The following MBTD1 variants were observed in gnomAD, a reference collection of about 807,000 sequenced individuals.
MBTD1 encodes mbt domain containing 1, also known as MBT domain-containing protein 1.
A neutral mutation model predicts 87.8 loss-of-function variants in MBTD1; 24 were observed. The observed-to-expected ratio is 0.27, with a 90% CI of 0.20 to 0.38. MBTD1 has a LOEUF of 0.38. Ranked by LOEUF, MBTD1 falls within the 10% of genes least tolerant of loss-of-function variation. The pLI is 1.00. For synonymous variants in MBTD1, 237 were observed against 248.6 expected (o/e 0.95, Z 0.44); for missense variants, 436 against 760.2 (o/e 0.57, Z 5.02).
chr17:51,192,703 T>C (rs769878530), intron 15 of MBTD1, 79 bp downstream of exon 15: 4 of 1,577,792 alleles, frequency 2.5e-6, no homozygotes, highest in Admixed American at 3.5e-5. Context: ...TGTGAGCTCA[T>C]AAGATGACTT....
intron 2 of MBTD1, among the ~76,000 whole-genome samples, chr17:51,227,724 G>A (rs1331958091): frequency 6.6e-6 from 1 of 152,068 alleles, no homozygotes; most frequent in Non-Finnish European, 1.5e-5. Context: ...CTGAGGCGGG[G>A]AGATCACCTG....
At position 51,207,006 on chromosome 17, in the gene MBTD1, C is replaced by G; in HGVS notation, c.487-1G>C. 6.5e-7 allele frequency: 1 copy of G among 1,546,720 alleles called. No homozygotes were observed. The highest frequency in any genetic ancestry group is 8.9e-7 in the Non-Finnish European group (1 of 1,119,962). Reference sequence around the variant, plus strand: ...CACCCCAGCAGGTCCCCATAGGTGCCTGTCACATAAAAATCATTAAATTAT... The same window carrying G: ...CACCCCAGCAGGTCCCCATAGGTGCGTGTCACATAAAAATCATTAAATTAT... On this transcript the variant is annotated splice_acceptor_variant, in intron 6 of 16. Coordinates refer to ENST00000586178, the MANE Select transcript of MBTD1 (RefSeq NM_017643.3). LOFTEE classifies it high-confidence loss of function.
chr17:51,239,590 T>G (rs1184558334), intron 2 of MBTD1, among the ~76,000 whole-genome samples: 2 of 152,194 alleles, frequency 1.3e-5, no homozygotes, highest in African/African-American at 4.8e-5. Flanking sequence ...CAGGGTTTTT[T>G]CACCTTGGCA....
chr17:51,236,647 C>G (rs190596624), intron 2 of MBTD1, among the ~76,000 whole-genome samples: 2 of 152,138 alleles, frequency 1.3e-5, no homozygotes, highest in African/African-American at 4.8e-5. Context: ...GCACAAGGCC[C>G]GAGGCAGGGA....
chr17:51,208,919 C>T (rs540975154), intron 6 of MBTD1, among the ~76,000 whole-genome samples: 32 of 152,246 alleles, frequency 2.1e-4, no homozygotes, highest in Non-Finnish European at 4.4e-4. Flanking sequence ...GTTTTGGTCC[C>T]TACAGTCTGG....
intron 2 of MBTD1, among the ~76,000 whole-genome samples, chr17:51,248,538 C>T (rs551580249): frequency 1.6e-4 from 24 of 152,320 alleles, no homozygotes; most frequent in African/African-American, 5.3e-4. Flanking sequence ...TCCTTTCCCA[C>T]TCAATCTCTC....
At chr17:51,226,677 G>C (rs898262438) in intron 2 of MBTD1, among the ~76,000 whole-genome samples, 6 of 149,722 alleles carry the variant, frequency 4.0e-5, no homozygotes, top group Non-Finnish European at 5.9e-5. Flanking sequence ...TGTCACCCAG[G>C]CTGGAGTGCA....
At chr17:51,229,326 C>T (rs1215033040) in intron 2 of MBTD1, among the ~76,000 whole-genome samples, 2 of 152,080 alleles carry the variant, frequency 1.3e-5, no homozygotes, top group Admixed American at 6.5e-5. Context: ...TCACACTACA[C>T]TTTAAGCTAA....
At chr17:51,214,092 T>G (rs1043879272) in intron 6 of MBTD1, among the ~76,000 whole-genome samples, 2 of 151,212 alleles carry the variant, frequency 1.3e-5, no homozygotes, top group African/African-American at 4.9e-5. Context: ...TATATATACA[T>G]ACACACATAT....
chr17:51,240,918 A>C (rs1328021428), intron 2 of MBTD1, among the ~76,000 whole-genome samples: 3 of 152,128 alleles, frequency 2.0e-5, no homozygotes, highest in African/African-American at 7.2e-5. Flanking sequence ...AATTGATGCT[A>C]TAATTTTCAA....
rs1479979538 is a variant in MBTD1, at chr17:51,179,502, A to ATATT, written c.*1073_*1074insAATA. The ATATT allele has an allele frequency of 2.3e-4, 16 of 68,090 alleles. No homozygotes were observed. The highest frequency in any genetic ancestry group is 1.1e-3 in the East Asian group (3 of 2,624). 4.2% of individuals were successfully genotyped at this position (68,090 alleles called of 1,614,324 possible). A position where few individuals can be genotyped will look rare whatever the true frequency, so the allele number is the denominator to read the frequency against. On this transcript the variant is annotated 3_prime_UTR_variant, in exon 17 of 17. Transcript: ENST00000586178. ...GACAATTTTATATATATATATATATATATATATATATATATATATATATAT... is the reference window on the plus strand; with the variant it reads ...GACAATTTTATATATATATATATATATATTTATATATATATATATATATATATAT...
chr17:51,246,634 A>AT (rs2054452268), intron 2 of MBTD1, among the ~76,000 whole-genome samples: 2 of 152,056 alleles, frequency 1.3e-5, no homozygotes, highest in African/African-American at 4.8e-5. Flanking sequence ...TTCCACTGTT[A>AT]TGTCTCTAAT....
At position 51,225,149 on chromosome 17, in the gene MBTD1, A is replaced by T. The variant is rs1298735884; in HGVS notation, c.13T>A (p.Tyr5Asn). The T allele has an allele frequency of 6.5e-7, 1 of 1,546,096 alleles. No homozygotes were observed. The highest frequency in any genetic ancestry group is 8.7e-7 in the Non-Finnish European group (1 of 1,145,152). MFDG[Y>N]DSCSEDTSSS... Reference sequence around the variant, plus strand: ...CTTGTGTCCTCACTGCAGCTATCATAACCGTCAAACATCCCGAAAGAATCT... The same window carrying T: ...CTTGTGTCCTCACTGCAGCTATCATTACCGTCAAACATCCCGAAAGAATCT... The change falls in exon 3 of 17, where the codon TAT becomes AAT. Residue 5 changes from tyrosine (Y) to asparagine (N), a missense_variant. Around this residue, in one of 5 missense-constraint regions of MBTD1, gnomAD observed 38 missense variants for 33.8 expected, o/e 1.12. Transcript: ENST00000586178.
Position 51,179,492 on chromosome 17 carries a change from A to ATATATATATATATTTATATT in MBTD1, c.*1083_*1084insAATATAAATATATATATATA, listed in dbSNP as rs2050210676. ...TACAATTAAAGACAATTTTATATAT[A>ATATATATATATATTTATATT]TATATATATATATATATATATATAT... On this transcript the variant is annotated 3_prime_UTR_variant, in exon 17 of 17. Transcript: ENST00000586178. The ATATATATATATATTTATATT allele has an allele frequency of 5.8e-4, 18 of 30,964 alleles. 1 individual carries two copies. Among genetic ancestry groups the ATATATATATATATTTATATT allele is most frequent in the South Asian group, 1.1e-3 (1 of 912 alleles). The allele number at this position is 30,964 out of a possible 1,614,324, so 1.9% of individuals were successfully genotyped here. A position where few individuals can be genotyped will look rare whatever the true frequency, so the allele number is the denominator to read the frequency against.
intron 2 of MBTD1, among the ~76,000 whole-genome samples, chr17:51,247,509 C>T (rs151193378): frequency 2.2e-3 from 329 of 148,782 alleles, no homozygotes; most frequent in African/African-American, 5.0e-3. Flanking sequence ...TGCAGCAGCA[C>T]GATCTTGGCT....
At position 51,224,997 on chromosome 17, in the gene MBTD1, T is replaced by TA; in HGVS notation, c.154+10dup. On this transcript the variant is annotated intron_variant, in intron 3 of 16. Transcript: ENST00000586178. Reference sequence around the variant, plus strand: ...AAAGCTGTAGAACAGGTGAAGGTTATAAATACTCACCCATGCCAGATTTAC... The same window carrying TA: ...AAAGCTGTAGAACAGGTGAAGGTTATAAAATACTCACCCATGCCAGATTTAC... 3 of 1,531,296 alleles carry TA rather than the reference T, an allele frequency of 2.0e-6. No individual in the cohort carries two copies. The highest frequency in any genetic ancestry group is 1.8e-6 in the Non-Finnish European group (2 of 1,133,844). 94.9% of individuals were successfully genotyped at this position (1,531,296 alleles called of 1,614,324 possible). A position where few individuals can be genotyped will look rare whatever the true frequency, so the allele number is the denominator to read the frequency against.
chr17:51,231,941 G>A (rs2053573698), intron 2 of MBTD1, among the ~76,000 whole-genome samples: 1 of 151,430 alleles, frequency 6.6e-6, no homozygotes, highest in African/African-American at 2.4e-5. Context: ...TTTATCCTAT[G>A]TAAAACTTAC....
intron 6 of MBTD1, among the ~76,000 whole-genome samples, chr17:51,210,651 G>C (rs1269163441): frequency 1.3e-5 from 2 of 152,022 alleles, no homozygotes; most frequent in African/African-American, 4.8e-5. Flanking sequence ...AGCTACTTGG[G>C]AGGCTGAGGC....
At chr17:51,214,561 TAGA>T (rs901926558) in intron 6 of MBTD1, among the ~76,000 whole-genome samples, 2 of 152,176 alleles carry the variant, frequency 1.3e-5, no homozygotes, top group Non-Finnish European at 2.9e-5. Context: ...ATCCTTATTC[TAGA>T]AGAAGAGGTT....
Sources: allele counts gnomAD v4.1 joint callset (sites outside exome capture counted in the v4.1 genomes callset), GRCh38; gene constraint gnomAD v4.1.1; regional missense constraint gnomAD v4.1.1; transcripts MANE v1.5; gene names NCBI Gene and HGNC (gene_info 2026-07-23, HGNC 2026-07-21).